AGBL1: variants seen among roughly 807,000 people sequenced by gnomAD.
AGBL1 encodes cytosolic carboxypeptidase 4.
Under a neutral mutation model 118.9 loss-of-function variants are expected in AGBL1, and 130 were observed. That is an observed-to-expected ratio of 1.09 (90% CI 0.95 to 1.26). The LOEUF (loss-of-function observed/expected upper bound fraction) is 1.26, where lower values mean the gene tolerates loss of function less well. Among genes scored for constraint, AGBL1 ranks in the 50% most tolerant of loss-of-function variants. The pLI is 0.00. For missense variants in AGBL1, 1,584 were observed against 1,298.1 expected, an observed-to-expected ratio of 1.22 and a Z score of -3.38; for synonymous variants, 555 against 478.9, an observed-to-expected ratio of 1.16 and a Z score of -2.08.
chr15:86,930,927 A>G (rs1054517757), intron 23 of AGBL1, among the ~76,000 whole-genome samples: 2 of 152,188 alleles, frequency 1.3e-5, no homozygotes, highest in African/African-American at 4.8e-5. Context: ...GAAACTAAAG[A>G]TAACATCTTA....
intron 23 of AGBL1, among the ~76,000 whole-genome samples, chr15:86,987,802 A>T (rs953338076): frequency 6.6e-6 from 1 of 152,132 alleles, no homozygotes; most frequent in Admixed American, 6.5e-5. Context: ...GTATATTTTA[A>T]TAAGAAATAG....
intron 17 of AGBL1, among the ~76,000 whole-genome samples, chr15:86,346,070 C>A (rs1425949563): frequency 6.6e-6 from 1 of 151,732 alleles, no homozygotes; most frequent in Non-Finnish European, 1.5e-5. Flanking sequence ...GCAACCACTG[C>A]CTCCTGGATT....
At chr15:86,378,533 T>G (rs1389207838) in intron 17 of AGBL1, among the ~76,000 whole-genome samples, 6 of 152,124 alleles carry the variant, frequency 3.9e-5, no homozygotes, top group African/African-American at 1.4e-4. Flanking sequence ...AAGTGCTGAG[T>G]AGCTTCAGCT....
chr15:86,801,062 C>CA (rs2078642055), intron 22 of AGBL1, among the ~76,000 whole-genome samples: 3 of 152,040 alleles, frequency 2.0e-5, no homozygotes, highest in South Asian at 2.1e-4. Context: ...TGCCTTCAGA[C>CA]AAAAAAACTC....
intron 22 of AGBL1, among the ~76,000 whole-genome samples, chr15:86,737,135 T>C (rs2077613902): frequency 6.6e-6 from 1 of 152,210 alleles, no homozygotes; most frequent in Non-Finnish European, 1.5e-5. Context: ...TACAGAATAT[T>C]ATTGAAGCAA....
At chr15:86,361,991 A>C (rs2080812720) in intron 17 of AGBL1, among the ~76,000 whole-genome samples, 1 of 151,934 alleles carries the variant, frequency 6.6e-6, no homozygotes, top group Non-Finnish European at 1.5e-5. Flanking sequence ...TTGTTTTCCA[A>C]CTGTTTTGTA....
At chr15:86,854,411 G>A (rs1277073358) in intron 22 of AGBL1, among the ~76,000 whole-genome samples, 1 of 152,154 alleles carries the variant, frequency 6.6e-6, no homozygotes, top group Non-Finnish European at 1.5e-5. Context: ...GTGAACTGTG[G>A]TATTTCTCTG....
chr15:86,688,733 C>G (rs938431149), intron 22 of AGBL1, among the ~76,000 whole-genome samples: 1 of 152,086 alleles, frequency 6.6e-6, no homozygotes, highest in Non-Finnish European at 1.5e-5. Context: ...ACATAATAAA[C>G]TGCACATATT....
intron 17 of AGBL1, among the ~76,000 whole-genome samples, chr15:86,364,998 C>CACACATAT (rs1555472717): frequency 5.8e-5 from 7 of 121,212 alleles, no homozygotes; most frequent in African/African-American, 1.4e-4. Flanking sequence ...TACACACACA[C>CACACATAT]ATATATATAT....
chr15:86,847,773 T>TGG (rs2079340062), intron 22 of AGBL1, among the ~76,000 whole-genome samples: 1 of 152,210 alleles, frequency 6.6e-6, no homozygotes, highest in Admixed American at 6.5e-5. Flanking sequence ...CAGTGATGTG[T>TGG]GGATAACTTA....
chr15:86,752,834 TA>T (rs2077875256), intron 22 of AGBL1, among the ~76,000 whole-genome samples: 1 of 152,124 alleles, frequency 6.6e-6, no homozygotes, highest in South Asian at 2.1e-4. Context: ...ATTTATTTAG[TA>T]AATGCATTTT....
At chr15:86,860,967 G>A (rs897708644) in intron 22 of AGBL1, among the ~76,000 whole-genome samples, 1 of 152,152 alleles carries the variant, frequency 6.6e-6, no homozygotes, top group African/African-American at 2.4e-5. Flanking sequence ...CAGCAGGGAT[G>A]TGGGAAGCTG....
intron 21 of AGBL1, among the ~76,000 whole-genome samples, chr15:86,644,333 A>G (rs1427853966): frequency 6.6e-6 from 1 of 152,038 alleles, no homozygotes; most frequent in Non-Finnish European, 1.5e-5. Context: ...AGGAGTTGAG[A>G]TTAGCCTGGC....
rs2086637040 is a variant in AGBL1 at position 86,716,258 on chromosome 15, G to A, written c.3158+41822G>A. On this transcript the variant is annotated intron_variant, in intron 22 of 22. Coordinates refer to ENST00000614907, the MANE Select transcript of AGBL1 (RefSeq NM_001386094.1). ...ATGCTATACACTGCAGAGTGTTACA[G>A]TGAAGGTGACTGCTAAATACTCAAC... 2.0e-5 allele frequency among the ~76,000 whole-genome samples: 3 copies of A among 151,984 alleles called. No individual in the cohort carries two copies. The South Asian group carries it at 6.2e-4, about 32-fold the overall frequency.
chr15:86,126,720 A>G (rs937529215), intron 1 of AGBL1, among the ~76,000 whole-genome samples: 2 of 152,348 alleles, frequency 1.3e-5, no homozygotes, highest in Admixed American at 1.3e-4. Context: ...TTCTTTGGAA[A>G]TGAAGACCTA....
chr15:86,855,687 G>A (rs1446414065), intron 22 of AGBL1, among the ~76,000 whole-genome samples: 1 of 152,200 alleles, frequency 6.6e-6, no homozygotes, highest in Non-Finnish European at 1.5e-5. Flanking sequence ...AGTGTAATTA[G>A]AGCAAAAACC....
At chr15:86,925,705 TTTTC>T (rs2080529413) in intron 23 of AGBL1, among the ~76,000 whole-genome samples, 1 of 149,056 alleles carries the variant, frequency 6.7e-6, no homozygotes, top group Non-Finnish European at 1.5e-5. Flanking sequence ...TCTTTTTTCT[TTTTC>T]TTTTTCTTTT....
chr15:86,742,201 G>A (rs573952501), intron 22 of AGBL1, among the ~76,000 whole-genome samples: 8 of 152,226 alleles, frequency 5.3e-5, no homozygotes, highest in Non-Finnish European at 7.4e-5. Flanking sequence ...GACCAATTGT[G>A]TCACAGCTTC....
intron 21 of AGBL1, among the ~76,000 whole-genome samples, chr15:86,633,157 T>C (rs188180569): frequency 6.4e-4 from 98 of 152,332 alleles, no homozygotes; most frequent in East Asian, 3.9e-4. Context: ...ACATAGATTA[T>C]CTGACTACCA....
Sources: gnomAD v4.1 joint callset for allele counts (sites outside exome capture counted in the v4.1 genomes callset) on GRCh38, gnomAD v4.1.1 for gene constraint, MANE v1.5 for transcripts, NCBI Gene and HGNC (gene_info 2026-07-23, HGNC 2026-07-21) for gene names.